Variants in AKAP19 observed in about 807,000 individuals in gnomAD.
The protein encoded by AKAP19 is small A-kinase anchoring protein.
At chr2:190,177,124 AT>A in the AKAP19 span, among the ~76,000 whole-genome samples, 2 of 151,642 alleles carry the variant, frequency 1.3e-5, no homozygotes, top group African/African-American at 4.9e-5. The surrounding 1 kb of genome is among the most constrained non-coding windows in gnomAD (Gnocchi z 4.6). Context: ...CCATAATGGT[AT>A]TTTTTTTCTG....
chr2:190,059,045 GA>G, the AKAP19 span, among the ~76,000 whole-genome samples: 1 of 151,296 alleles, frequency 6.6e-6, no homozygotes, highest in Non-Finnish European at 1.5e-5. Flanking sequence ...TAATAAAAAT[GA>G]AAAAATATTG....
the AKAP19 span, among the ~76,000 whole-genome samples, chr2:190,005,450 G>T: frequency 6.6e-6 from 1 of 152,174 alleles, no homozygotes; most frequent in Non-Finnish European, 1.5e-5. Context: ...AGACAGAAAA[G>T]TTCTCCAAGT....
chr2:189,993,046 G>A, the AKAP19 span, among the ~76,000 whole-genome samples: 1 of 152,150 alleles, frequency 6.6e-6, no homozygotes, highest in Non-Finnish European at 1.5e-5. Flanking sequence ...AGGACTTCCA[G>A]TATAATATTG....
the AKAP19 span, among the ~76,000 whole-genome samples, chr2:190,190,273 A>C: frequency 6.6e-6 from 1 of 152,192 alleles, no homozygotes; most frequent in Admixed American, 6.5e-5. Context: ...ATTTCTATTC[A>C]TAGGGTCACT....
chr2:189,990,755 G>A, the AKAP19 span, among the ~76,000 whole-genome samples: 1 of 151,818 alleles, frequency 6.6e-6, no homozygotes. Context: ...ATGGTGTTTG[G>A]TTGCATGGAA....
the AKAP19 span, among the ~76,000 whole-genome samples, chr2:189,958,104 T>G: frequency 6.6e-6 from 1 of 152,146 alleles, no homozygotes; most frequent in Non-Finnish European, 1.5e-5. Flanking sequence ...ATTTGCAACA[T>G]GTAATTGACA....
At chr2:189,915,308 T>A in the AKAP19 span, among the ~76,000 whole-genome samples, 12 of 152,196 alleles carry the variant, frequency 7.9e-5, no homozygotes, top group African/African-American at 2.9e-4. Context: ...AGCAGCATGA[T>A]GTAGTTTTTA....
At chr2:189,954,084 G>C in the AKAP19 span, among the ~76,000 whole-genome samples, 1 of 152,176 alleles carries the variant, frequency 6.6e-6, no homozygotes, top group Non-Finnish European at 1.5e-5. Flanking sequence ...TCAGTGGGAA[G>C]GCAAGAGAAG....
the AKAP19 span, among the ~76,000 whole-genome samples, chr2:189,950,078 A>G: frequency 8.7e-6 from 1 of 114,970 alleles, no homozygotes; most frequent in Non-Finnish European, 1.6e-5. Flanking sequence ...CCCAGGCTGG[A>G]GTGCAATGGC....
the AKAP19 span, among the ~76,000 whole-genome samples, chr2:189,943,409 G>A: frequency 2.6e-5 from 4 of 152,228 alleles, no homozygotes; most frequent in Non-Finnish European, 5.9e-5. Flanking sequence ...ATGAGGCTTG[G>A]CAACTTCTGC....
the AKAP19 span, among the ~76,000 whole-genome samples, chr2:189,892,774 T>G: frequency 6.6e-6 from 1 of 152,174 alleles, no homozygotes; most frequent in African/African-American, 2.4e-5. Flanking sequence ...CTGGGAGATC[T>G]GCTGCTCTCT....
At chr2:189,906,572 C>A in the AKAP19 span, among the ~76,000 whole-genome samples, 1 of 152,034 alleles carries the variant, frequency 6.6e-6, no homozygotes, top group African/African-American at 2.4e-5. Context: ...AATTTACACT[C>A]AAAAAGAACA....
At chr2:189,950,543 A>G in the AKAP19 span, among the ~76,000 whole-genome samples, 1 of 152,088 alleles carries the variant, frequency 6.6e-6, no homozygotes, top group East Asian at 1.9e-4. Flanking sequence ...TAATGGTAGA[A>G]AGCCTTCAGG....
At chr2:189,883,153 T>C in the AKAP19 span, among the ~76,000 whole-genome samples, 1 of 152,176 alleles carries the variant, frequency 6.6e-6, no homozygotes, top group Non-Finnish European at 1.5e-5. Flanking sequence ...TGTTAGACAC[T>C]GTGCCCACAG....
chr2:190,092,248 A>G, the AKAP19 span, among the ~76,000 whole-genome samples: 1 of 152,208 alleles, frequency 6.6e-6, no homozygotes, highest in African/African-American at 2.4e-5. Context: ...TCCAGTTCCA[A>G]GAAGGCCTCT....
At chr2:189,982,673 T>TC in the AKAP19 span, among the ~76,000 whole-genome samples, 10 of 151,812 alleles carry the variant, frequency 6.6e-5, no homozygotes, top group Non-Finnish European at 1.2e-4. Context: ...ACTTTTTTTT[T>TC]TTTTTACATT....
At chr2:190,193,426 G>A in the AKAP19 span, among the ~76,000 whole-genome samples, 2 of 152,000 alleles carry the variant, frequency 1.3e-5, no homozygotes, top group South Asian at 2.1e-4. Flanking sequence ...AGAATAATTC[G>A]GGAAATCTTT....
chr2:189,908,248 C>T, the AKAP19 span, among the ~76,000 whole-genome samples: 3 of 148,706 alleles, frequency 2.0e-5, no homozygotes, highest in Admixed American at 1.4e-4. Context: ...GGCTGGAGTG[C>T]AGTGGCATGA....
chr2:189,968,999 T>C, the AKAP19 span, among the ~76,000 whole-genome samples: 1 of 152,188 alleles, frequency 6.6e-6, no homozygotes, highest in Non-Finnish European at 1.5e-5. Context: ...CAGAGTCAAA[T>C]AGTATGAATA....
Sources: allele counts gnomAD v4.1 joint callset (sites outside exome capture counted in the v4.1 genomes callset), GRCh38; gene constraint gnomAD v4.1.1; non-coding constraint Gnocchi (gnomAD v3.1); transcripts MANE v1.5; gene names NCBI Gene and HGNC (gene_info 2026-07-23, HGNC 2026-07-21).